The following MGA variants were observed in gnomAD, a reference collection of about 807,000 sequenced individuals.
The protein encoded by MGA is MAX dimerization protein MGA.
Under a neutral mutation model 261.1 loss-of-function variants are expected in MGA, and 40 were observed. The observed-to-expected ratio is 0.15, with a 90% CI of 0.12 to 0.20. The LOEUF (loss-of-function observed/expected upper bound fraction) is 0.20, where lower values mean the gene tolerates loss of function less well. Ranked by LOEUF, MGA falls within the 10% of genes least tolerant of loss-of-function variation. The probability of loss-of-function intolerance (pLI) is 1.00; values close to 1 mark genes in which losing one functional copy is unlikely to be tolerated. For missense variants in MGA, 3,397 were observed against 3,630.5 expected, an observed-to-expected ratio of 0.94 and a Z score of 1.65; for synonymous variants, 1,302 against 1,290.6, an observed-to-expected ratio of 1.01 and a Z score of -0.19.
At chr15:41,758,719 C>T (rs2063284461) in intron 19 of MGA, among the ~76,000 whole-genome samples, 1 of 152,134 alleles carries the variant, frequency 6.6e-6, no homozygotes, top group Non-Finnish European at 1.5e-5. Flanking sequence ...GTTTTATTCT[C>T]CCATTCTATG....
intron 1 of MGA, among the ~76,000 whole-genome samples, chr15:41,622,026 G>T (rs1330787631): frequency 1.3e-5 from 2 of 150,882 alleles, no homozygotes; most frequent in Non-Finnish European, 3.0e-5. Flanking sequence ...GCGTGCTGCT[G>T]GCGCGGGGTA....
chr15:41,660,816 G>C (rs564450516), intron 1 of MGA, among the ~76,000 whole-genome samples: 1 of 152,196 alleles, frequency 6.6e-6, no homozygotes, highest in Non-Finnish European at 1.5e-5. Flanking sequence ...GGCGGGAGGG[G>C]TGAGAAGCGC....
intron 1 of MGA, among the ~76,000 whole-genome samples, chr15:41,649,893 C>T (rs1176212782): frequency 1.3e-5 from 2 of 152,150 alleles, no homozygotes; most frequent in Non-Finnish European, 2.9e-5. Context: ...GTTGGCCAGG[C>T]TGGTGTCGAA....
rs754221231 is a variant in MGA at position 41,762,326 on chromosome 15, C to T, written c.7708C>T (p.Pro2570Ser). 3 of 1,613,684 alleles carry T rather than the reference C, an allele frequency of 1.9e-6. No homozygotes were observed. Among genetic ancestry groups the T allele is most frequent in the South Asian group, 2.2e-5 (2 of 91,056 alleles). Reference sequence around the variant, plus strand: ...GTTTATAAATAACAGGAGGGGGAAACCTTTGATTCTTTCCAGAAAAAAAGA... The same window carrying T: ...GTTTATAAATAACAGGAGGGGGAAATCTTTGATTCTTTCCAGAAAAAAAGA... Residue 2570 changes from proline to serine, a missense_variant, in exon 22 of 24, where the codon CCT (proline) becomes TCT (serine). This residue lies in a region of MGA where 647 missense variants were observed against 642.4 expected (regional missense o/e 1.01). Coordinates refer to ENST00000219905, the MANE Select transcript of MGA (RefSeq NM_001164273.2).
At chr15:41,627,021 C>G (rs1383100044) in intron 1 of MGA, among the ~76,000 whole-genome samples, 1 of 152,140 alleles carries the variant, frequency 6.6e-6, no homozygotes, top group Non-Finnish European at 1.5e-5. Context: ...ATTCTCGTGT[C>G]TCAGCCACCC....
In MGA at chr15:41,729,361, G is replaced by T. The variant is rs2061394030; in HGVS notation, c.3843+12G>T. ...ATAATAATGCAAAGGTGAGTTTCTT[G>T]TTGCATAAGTTCTTTTTAACTTCTG... On this transcript the variant is annotated intron_variant, in intron 11 of 23. Coordinates refer to ENST00000219905, the MANE Select transcript of MGA (RefSeq NM_001164273.2). 6.3e-7 allele frequency: 1 copy of T among 1,596,482 alleles called. No homozygotes were observed. The highest frequency in any genetic ancestry group is 1.4e-5 in the African/African-American group (1 of 73,818).
chr15:41,692,236 G>A (rs993681549), intron 2 of MGA, among the ~76,000 whole-genome samples: 24 of 152,058 alleles, frequency 1.6e-4, no homozygotes, highest in African/African-American at 5.3e-4. Flanking sequence ...CCTATCCCTG[G>A]CAGGACCTTA....
At chr15:41,731,642 TAAG>T (rs2061513695) in intron 11 of MGA, among the ~76,000 whole-genome samples, 1 of 152,200 alleles carries the variant, frequency 6.6e-6, no homozygotes. Flanking sequence ...AATGAATTTT[TAAG>T]AAGGACAAAC....
At chr15:41,632,610 G>A (rs1000676976) in intron 1 of MGA, among the ~76,000 whole-genome samples, 1 of 152,128 alleles carries the variant, frequency 6.6e-6, no homozygotes, top group Non-Finnish European at 1.5e-5. Context: ...ACATTTCCAG[G>A]TCTTTTCCCT....
intron 2 of MGA, among the ~76,000 whole-genome samples, chr15:41,682,466 A>G (rs922746319): frequency 6.6e-6 from 1 of 151,706 alleles, no homozygotes; most frequent in Non-Finnish European, 1.5e-5. Context: ...CTATTTTCAT[A>G]TAGGTTCTTT....
rs2060469711 is a variant in MGA, at chr15:41,713,175, C to G, written c.3109C>G (p.His1037Asp). 1 of 1,613,054 alleles carries G rather than the reference C, an allele frequency of 6.2e-7. No individual in the cohort carries two copies. The highest frequency in any genetic ancestry group is 8.5e-7 in the Non-Finnish European group (1 of 1,179,782). The change falls in exon 9 of 24, where the codon CAC becomes GAC. Residue 1037 changes from histidine (H) to aspartate (D), a missense_variant. Coordinates refer to ENST00000219905, the MANE Select transcript of MGA (RefSeq NM_001164273.2). ...GGCATCCCTCAAAACTAAACCTATCCACACAATCATAAGGAAACGAGCCCC... is the reference window on the plus strand; with the variant it reads ...GGCATCCCTCAAAACTAAACCTATCGACACAATCATAAGGAAACGAGCCCC...
Position 41,729,325 on chromosome 15 carries a change from C to G in MGA, c.3819C>G (p.Ser1273Arg), listed in dbSNP as rs966579654. ...AGCAGCAAACTTCATGTCATTCTAGCCCTGAGAACCATAATAATGCAAAGG... is the reference window on the plus strand; with the variant it reads ...AGCAGCAAACTTCATGTCATTCTAGGCCTGAGAACCATAATAATGCAAAGG... The change falls in exon 11 of 24, where the codon AGC becomes AGG. Residue 1273 changes from serine to arginine, a missense_variant. Coordinates refer to ENST00000219905, the MANE Select transcript of MGA (RefSeq NM_001164273.2). 28 of 1,612,440 alleles carry G rather than the reference C, an allele frequency of 1.7e-5. No homozygotes were observed. Among genetic ancestry groups the G allele is most frequent in the Non-Finnish European group, 2.3e-5 (27 of 1,179,532 alleles).
chr15:41,706,940 T>A (rs1166620963), intron 5 of MGA, among the ~76,000 whole-genome samples: 1 of 152,156 alleles, frequency 6.6e-6, no homozygotes, highest in Non-Finnish European at 1.5e-5. Context: ...TTAAATACCT[T>A]CCCAAAATAT....
chr15:41,764,407 C>T (rs944711255), intron 22 of MGA, among the ~76,000 whole-genome samples: 4 of 152,030 alleles, frequency 2.6e-5, no homozygotes, highest in Non-Finnish European at 5.9e-5. Context: ...GCGCCCGCCA[C>T]CACGCCTGGC....
chr15:41,748,493 T>G (rs1595961223), intron 15 of MGA, 144 bp from the exon 16 acceptor site: 1 of 826,882 alleles, frequency 1.2e-6, no homozygotes, highest in Non-Finnish European at 1.8e-6. Context: ...GGTGCGGAGG[T>G]TGTAGTCAGT....
chr15:41,766,877 C>G lies in MGA; in HGVS notation c.8795C>G (p.Ser2932Cys). The change falls in exon 24 of 24, where the codon TCT becomes TGT. Residue 2932 changes from serine (S) to cysteine (C), a missense_variant. This residue lies in a region of MGA where 647 missense variants were observed against 642.4 expected (regional missense o/e 1.01). Coordinates refer to ENST00000219905, the MANE Select transcript of MGA (RefSeq NM_001164273.2). Reference sequence around the variant, plus strand: ...GATGTCCTTAAGATTGTTATTGACTCTGAAATAAAGGATTCCCTCCTTTCC... The same window carrying G: ...GATGTCCTTAAGATTGTTATTGACTGTGAAATAAAGGATTCCCTCCTTTCC... 4 of 1,614,002 alleles carry G rather than the reference C, an allele frequency of 2.5e-6. No individual in the cohort carries two copies. The highest frequency in any genetic ancestry group is 3.4e-6 in the Non-Finnish European group (4 of 1,179,884).
At chr15:41,688,631 ATCTTGCTATT>A (rs2059097372) in intron 2 of MGA, among the ~76,000 whole-genome samples, 1 of 151,954 alleles carries the variant, frequency 6.6e-6, no homozygotes. Context: ...TAACCATGTC[ATCTTGCTATT>A]TCCTGCTTCT....
chr15:41,651,932 TCCCCCCG>T (rs2057069223), intron 1 of MGA, among the ~76,000 whole-genome samples: 1 of 11,202 alleles, frequency 8.9e-5, no homozygotes, highest in Non-Finnish European at 1.6e-4. Context: ...TTCCTCTCCC[TCCCCCCG>T]TCTCTCCTCT....
At chr15:41,631,674 A>T (rs547949490) in intron 1 of MGA, among the ~76,000 whole-genome samples, 3 of 152,204 alleles carry the variant, frequency 2.0e-5, no homozygotes, top group Admixed American at 6.5e-5. Context: ...GGAGAAAGAG[A>T]ACCTGGAGAA....
Sources: allele counts gnomAD v4.1 joint callset (sites outside exome capture counted in the v4.1 genomes callset), GRCh38; gene constraint gnomAD v4.1.1; regional missense constraint gnomAD v4.1.1; transcripts MANE v1.5; gene names NCBI Gene and HGNC (gene_info 2026-07-23, HGNC 2026-07-21).